Variants in ORC1 observed in about 807,000 individuals in gnomAD.
ORC1 encodes origin recognition complex, subunit 1 homolog.
In ORC1, 61 loss-of-function variants were observed where a neutral mutation model predicts 98.9. The ratio of observed to expected loss-of-function variants is 0.62; its 90% CI spans 0.50 to 0.76. The LOEUF is 0.76. Among genes scored for constraint, ORC1 ranks in the 30% least tolerant of loss-of-function variants. ORC1 has a pLI of 0.00. For missense variants in ORC1, 979 were observed against 1,072.2 expected, an observed-to-expected ratio of 0.91 and a Z score of 1.21; for synonymous variants, 385 against 406.9, an observed-to-expected ratio of 0.95 and a Z score of 0.65.
intron 16 of ORC1, among the ~76,000 whole-genome samples, 158 bp from the exon 17 acceptor site, chr1:52,373,533 A>C (rs1646960710): frequency 6.6e-6 from 1 of 152,224 alleles, no homozygotes; most frequent in Non-Finnish European, 1.5e-5. Context: ...CACAAAATGC[A>C]GAGGCAGAAT....
chr1:52,406,562 G>C (rs1236709548), upstream of ORC1, among the ~76,000 whole-genome samples: 1 of 152,108 alleles, frequency 6.6e-6, no homozygotes, highest in African/African-American at 2.4e-5. Context: ...TCTAAACTTT[G>C]CTTATCTGTA....
At position 52,381,747 on chromosome 1, in the gene ORC1, C is replaced by A; in HGVS notation, c.2028G>T (p.Met676Ile). The A allele has an allele frequency of 6.2e-7, 1 of 1,613,344 alleles. No individual in the cohort carries two copies. The highest frequency in any genetic ancestry group is 8.5e-7 in the Non-Finnish European group (1 of 1,179,560). ...GGCTATATGTATAGGGCTGGAAGCA[C>A]ATCCTGGTAAGACCCTGGGGAGCCA... ...RVSSRLGLTR[M>I]CFQPYTYSQL... Residue 676 changes from methionine (M) to isoleucine (I), a missense_variant, in exon 14 of 17, where the codon ATG becomes ATT. Physicochemically the swap from Met to Ile is conservative, Grantham distance 10. Transcript: ENST00000371568.
At chr1:52,406,330 T>A (rs1647995302), upstream of ORC1, among the ~76,000 whole-genome samples, 1 of 152,196 alleles carries the variant, frequency 6.6e-6, no homozygotes, top group South Asian at 2.1e-4. Context: ...ATTAATCTTC[T>A]ACTTTACTTT....
In ORC1 at chr1:52,384,539, G is replaced by T. The variant is rs770661837; in HGVS notation, c.1755+11C>A. 3.1e-6 allele frequency: 5 copies of T among 1,613,256 alleles called. No homozygotes were observed. The South Asian group carries it at 5.5e-5, about 18-fold the overall frequency. ...CAGCATTTTCCAAAAAGCCTAAACAGCTCTGCTTACCTGCAAGATTTGCAC... is the reference window on the plus strand; with the variant it reads ...CAGCATTTTCCAAAAAGCCTAAACATCTCTGCTTACCTGCAAGATTTGCAC... On this transcript the variant is annotated intron_variant, in intron 11 of 16. Coordinates refer to ENST00000371568, the MANE Select transcript of ORC1 (RefSeq NM_004153.4).
chr1:52,377,042 G>A (rs1459284350), intron 14 of ORC1, among the ~76,000 whole-genome samples: 1 of 152,146 alleles, frequency 6.6e-6, no homozygotes, highest in African/African-American at 2.4e-5. Flanking sequence ...TTATTTTTGA[G>A]ACAGAGTTTC....
intron 14 of ORC1, among the ~76,000 whole-genome samples, chr1:52,377,270 AC>A (rs1418105818): frequency 6.8e-6 from 1 of 146,692 alleles, no homozygotes; most frequent in East Asian, 2.0e-4. Context: ...CGCCCAGCCG[AC>A]TTTTTGTTGG....
chr1:52,377,125 C>T (rs1056218617), intron 14 of ORC1, among the ~76,000 whole-genome samples: 2 of 152,092 alleles, frequency 1.3e-5, no homozygotes, highest in Non-Finnish European at 2.9e-5. Flanking sequence ...GGGGTTCAAG[C>T]GATTCTCCTG....
chr1:52,374,759 TA>T (rs1371477469), intron 16 of ORC1, 50 bp downstream of exon 16: 1 of 1,271,722 alleles, frequency 7.9e-7, no homozygotes, highest in South Asian at 1.2e-5. Flanking sequence ...CCATGTATTT[TA>T]AAAGCGTAAG....
Position 52,373,334 on chromosome 1 carries a change from C to T in ORC1, c.2433G>A (p.Leu811=), listed in dbSNP as rs1343476657. 6.2e-7 allele frequency: 1 copy of T among 1,614,056 alleles called. No individual in the cohort carries two copies. The highest frequency in any genetic ancestry group is 1.3e-5 in the African/African-American group (1 of 74,924). The change falls in exon 17 of 17, where the codon CTG becomes CTA. Residue 811 remains leucine (L), a synonymous_variant. Coordinates refer to ENST00000371568, the MANE Select transcript of ORC1 (RefSeq NM_004153.4). Reference sequence around the variant, plus strand: ...TGGTCTCTGACATGGTGGGGTACGGCAGTCCCTCCATTCTGCACAGTGCCA... The same window carrying T: ...TGGTCTCTGACATGGTGGGGTACGGTAGTCCCTCCATTCTGCACAGTGCCA... ...QHVALCRMEG[L]PYPTMSETMA...
chr1:52,383,310 A>C, intron 13 of ORC1, 110 bp downstream of exon 13: 1 of 1,335,546 alleles, frequency 7.5e-7, no homozygotes, highest in Non-Finnish European at 1.1e-6. Flanking sequence ...TGGCCTCCCA[A>C]AGTGCGGGGT....
At chr1:52,406,944 T>C (rs1648013141), upstream of ORC1, among the ~76,000 whole-genome samples, 1 of 152,246 alleles carries the variant, frequency 6.6e-6, no homozygotes, top group African/African-American at 2.4e-5. Context: ...ACAAAGAAAC[T>C]ATGACTTTCA....
At chr1:52,396,598 A>T (rs977099810) in intron 4 of ORC1, among the ~76,000 whole-genome samples, 7 of 152,230 alleles carry the variant, frequency 4.6e-5, no homozygotes, top group African/African-American at 1.7e-4. Context: ...GACATCAGTG[A>T]AATAAATTAT....
At chr1:52,405,898 G>C, upstream of ORC1, 1 of 1,506,434 alleles carries the variant, frequency 6.6e-7, no homozygotes, top group South Asian at 1.1e-5. Context: ...TTAGAATTGG[G>C]CTTTGGTTAA....
chr1:52,383,408 C>A lies in ORC1; in HGVS notation c.2013+12G>T. Reference sequence around the variant, plus strand: ...TCTGCAAGAACAGCATGGGAACTGCCCTAGAACCTACCAGTCGGCTGGACA... The same window carrying A: ...TCTGCAAGAACAGCATGGGAACTGCACTAGAACCTACCAGTCGGCTGGACA... On this transcript the variant is annotated intron_variant, in intron 13 of 16. Transcript: ENST00000371568. The A allele has an allele frequency of 1.2e-6, 2 of 1,612,212 alleles. No individual in the cohort carries two copies. Among genetic ancestry groups the A allele is most frequent in the South Asian group, 2.2e-5 (2 of 90,996 alleles).
At chr1:52,386,701 C>A (rs1402266877) in intron 8 of ORC1, among the ~76,000 whole-genome samples, 2 of 152,184 alleles carry the variant, frequency 1.3e-5, no homozygotes, top group African/African-American at 4.8e-5. Context: ...GTGACTCACG[C>A]CTGTAATCCC....
At chr1:52,384,221 A>C (rs1337891807) in intron 11 of ORC1, among the ~76,000 whole-genome samples, 2 of 152,240 alleles carry the variant, frequency 1.3e-5, no homozygotes, top group Non-Finnish European at 2.9e-5. Context: ...TACCTGCTCC[A>C]AAATAACAGC....
intron 14 of ORC1, among the ~76,000 whole-genome samples, chr1:52,381,115 G>A (rs1647063986): frequency 6.6e-6 from 1 of 152,166 alleles, no homozygotes; most frequent in Non-Finnish European, 1.5e-5. Flanking sequence ...CTAGTCTGTG[G>A]TGAACTCTCA....
Position 52,388,511 on chromosome 1 carries a change from A to G in ORC1, c.1314T>C (p.Thr438=), listed in dbSNP as rs2147930433. ...AGGAAGATCGCAGGTTCCTGGACAC[A>G]GTTCTGGGTGCTCTCCTTGGAAGGG... The part of the protein sequence containing the change: ...TPPLPRRAPR[T]VSRNLRSSLK... The change falls in exon 8 of 17, where the codon ACT becomes ACC. Residue 438 remains threonine, a synonymous_variant. Transcript: ENST00000371568. The G allele has an allele frequency of 1.9e-6, 3 of 1,614,178 alleles. No homozygotes were observed. The highest frequency in any genetic ancestry group is 2.5e-6 in the Non-Finnish European group (3 of 1,180,016).
chr1:52,402,252 G>A (rs1308038724), intron 1 of ORC1, 24 bp from the exon 2 acceptor site: 23 of 1,535,326 alleles, frequency 1.5e-5, no homozygotes, highest in Non-Finnish European at 2.1e-5. Context: ...CAAACTCTGA[G>A]TTACCATGAT....
Sources: gnomAD v4.1 joint callset for allele counts (sites outside exome capture counted in the v4.1 genomes callset) on GRCh38, gnomAD v4.1.1 for gene constraint, MANE v1.5 for transcripts, NCBI Gene and HGNC (gene_info 2026-07-23, HGNC 2026-07-21) for gene names.